Variants in ADGRL1 observed in about 807,000 individuals in gnomAD.
ADGRL1 encodes the protein CIRL-1.
Under a neutral mutation model 148.9 loss-of-function variants are expected in ADGRL1, and 31 were observed. The ratio of observed to expected loss-of-function variants is 0.21; its 90% CI spans 0.16 to 0.28. ADGRL1 has a LOEUF of 0.28. Ranked by LOEUF, ADGRL1 falls within the 10% of genes least tolerant of loss-of-function variation. The pLI, the probability that ADGRL1 is intolerant of heterozygous loss-of-function variation, is 1.00. For synonymous variants in ADGRL1, 937 were observed against 900.3 expected, an observed-to-expected ratio of 1.04 and a Z score of -0.73; for missense variants, 1,521 against 2,058.8, an observed-to-expected ratio of 0.74 and a Z score of 5.05.
At position 14,159,890 on chromosome 19, in the gene ADGRL1, C is replaced by A; in HGVS notation, c.1801-117G>T. On this transcript the variant is annotated intron_variant, in intron 8 of 22. Coordinates refer to ENST00000361434, the MANE Select transcript of ADGRL1 (RefSeq NM_014921.5). This position sits in a 1 kb window ranked among gnomAD's most constrained non-coding sequence, Gnocchi z 6.0. Reference sequence around the variant, plus strand: ...CGGTTACCACTGACCCAGGGCTGGGCTATCAGCAAGACATTCCTCAGGGAT... The same window carrying A: ...CGGTTACCACTGACCCAGGGCTGGGATATCAGCAAGACATTCCTCAGGGAT... 1.9e-6 allele frequency: 2 copies of A among 1,075,130 alleles called. No individual in the cohort carries two copies. The highest frequency in any genetic ancestry group is 2.9e-6 in the Non-Finnish European group (2 of 701,606). 66.6% of individuals were successfully genotyped at this position (1,075,130 alleles called of 1,614,324 possible). A position where few individuals can be genotyped will look rare whatever the true frequency, so the allele number is the denominator to read the frequency against.
chr19:14,180,444 C>T (rs539479682), intron 2 of ADGRL1, among the ~76,000 whole-genome samples: 48 of 151,944 alleles, frequency 3.2e-4, no homozygotes, highest in African/African-American at 1.1e-3. Context: ...TTAGTAGAGA[C>T]GGGGTTTTGC....
chr19:14,151,487 C>T lies in ADGRL1; in HGVS notation c.3796G>A (p.Gly1266Ser), dbSNP rs750764251. Residue 1266 changes from glycine to serine, a missense_variant, in exon 23 of 23, where the codon GGC (glycine) becomes AGC (serine). This residue lies in a region of ADGRL1 where 390 missense variants were observed against 375.0 expected (regional missense o/e 1.04). Coordinates refer to ENST00000361434, the MANE Select transcript of ADGRL1 (RefSeq NM_014921.5). ...PGDGGPEPPR[G>S]RNLADAAAFE... Reference sequence around the variant, plus strand: ...GCCGCCGCATCGGCTAGGTTCCGGCCTCGGGGCGGCTCAGGGCCCCCATCC... The same window carrying T: ...GCCGCCGCATCGGCTAGGTTCCGGCTTCGGGGCGGCTCAGGGCCCCCATCC... 3.6e-5 allele frequency: 58 copies of T among 1,611,514 alleles called. No homozygotes were observed. Among genetic ancestry groups the T allele is most frequent in the Non-Finnish European group, 5.9e-6 (7 of 1,179,162 alleles).
At chr19:14,153,017 C>G in intron 18 of ADGRL1, 105 bp from the exon 19 acceptor site, 1 of 1,378,760 alleles carries the variant, frequency 7.3e-7, no homozygotes, top group Non-Finnish European at 9.9e-7. Flanking sequence ...GGCCGGAGAC[C>G]GAGCTTCCAA....
chr19:14,165,709 G>A (rs1038059000), intron 4 of ADGRL1, among the ~76,000 whole-genome samples: 3 of 152,058 alleles, frequency 2.0e-5, no homozygotes, highest in African/African-American at 7.2e-5. Context: ...AGAGGAGACT[G>A]GAGGGGTGTG....
intron 1 of ADGRL1, among the ~76,000 whole-genome samples, chr19:14,194,076 TACAA>T (rs1360505190): frequency 6.6e-6 from 1 of 152,172 alleles, no homozygotes. Flanking sequence ...ACCCCAGCTC[TACAA>T]ACAAATATAA....
intron 4 of ADGRL1, 94 bp from the exon 5 acceptor site, chr19:14,163,500 G>C (rs917888332): frequency 9.5e-6 from 9 of 947,388 alleles, no homozygotes; most frequent in East Asian, 5.3e-5. Flanking sequence ...GAGAGAGAGG[G>C]GGGAGAGAGG....
At chr19:14,191,225 T>C (rs1298394238) in intron 1 of ADGRL1, 1 of 456,730 alleles carries the variant, frequency 2.2e-6, no homozygotes, top group Admixed American at 2.3e-5. Flanking sequence ...CCCATCTGTG[T>C]CCCTCAGACT....
chr19:14,155,658 G>T lies in ADGRL1; in HGVS notation c.3126-131C>A. 1.1e-6 allele frequency: 1 copy of T among 903,932 alleles called. No homozygotes were observed. The highest frequency in any genetic ancestry group is 1.6e-6 in the Non-Finnish European group (1 of 606,212). The allele number at this position is 903,932 out of a possible 1,614,324, so 56.0% of individuals were successfully genotyped here. A position where few individuals can be genotyped will look rare whatever the true frequency, so the allele number is the denominator to read the frequency against. On this transcript the variant is annotated intron_variant, in intron 17 of 22. Transcript: ENST00000361434. The surrounding 1 kb of genome is among the most constrained non-coding windows in gnomAD (Gnocchi z 5.0). The stretch of plus-strand genomic sequence containing the variant: ...CTGTCTGCAAAGCCCTGAGCGGGCC[G>T]AGTGGGCCTTGGGGGCAGTGGCCTG...
chr19:14,205,953 T>C (rs1266114252), intron 1 of ADGRL1, 32 bp downstream of exon 1: 2 of 150,114 alleles, frequency 1.3e-5, no homozygotes, highest in African/African-American at 4.9e-5. Flanking sequence ...AGGTGCGGCT[T>C]CGCCCCTCGC....
chr19:14,159,791 T>A lies in ADGRL1; in HGVS notation c.1801-18A>T. ...TTGTGCATCTAGAAAGAGATGGAGG[T>A]GATGTCAGGCCAGGCCTCTGGGTGC... On this transcript the variant is annotated intron_variant, in intron 8 of 22. Coordinates refer to ENST00000361434, the MANE Select transcript of ADGRL1 (RefSeq NM_014921.5). The surrounding 1 kb of genome is among the most constrained non-coding windows in gnomAD (Gnocchi z 6.0). The A allele has an allele frequency of 6.2e-7, 1 of 1,612,018 alleles. No individual in the cohort carries two copies. Among genetic ancestry groups the A allele is most frequent in the Non-Finnish European group, 8.5e-7 (1 of 1,178,274 alleles).
At position 14,177,754 on chromosome 19, in the gene ADGRL1, G is replaced by C; in HGVS notation, c.71-10C>G. Reference sequence around the variant, plus strand: ...CCGGCCCGGCTCAGGCCTGCAGGGAGGGTTGGGGATGGTGTCACTCCTGGG... The same window carrying C: ...CCGGCCCGGCTCAGGCCTGCAGGGACGGTTGGGGATGGTGTCACTCCTGGG... On this transcript the variant is annotated splice_polypyrimidine_tract_variant and intron_variant, in intron 2 of 22. Transcript: ENST00000361434. The C allele has an allele frequency of 6.2e-7, 1 of 1,606,672 alleles. No homozygotes were observed. The highest frequency in any genetic ancestry group is 1.1e-5 in the South Asian group (1 of 90,974).
chr19:14,175,398 C>T (rs945471951), intron 3 of ADGRL1, among the ~76,000 whole-genome samples: 11 of 151,060 alleles, frequency 7.3e-5, no homozygotes, highest in Non-Finnish European at 1.3e-4. Context: ...CCCCCACACA[C>T]GTGCACCCAT....
chr19:14,159,253 G>T lies in ADGRL1; in HGVS notation c.2024-38C>A. The T allele has an allele frequency of 6.2e-7, 1 of 1,608,638 alleles. No individual in the cohort carries two copies. ...GGGAAGGCAAGGCATACACAGTTGGGGTCTGTTCCCAGTCCAGGGGCTCAG... is the reference window on the plus strand; with the variant it reads ...GGGAAGGCAAGGCATACACAGTTGGTGTCTGTTCCCAGTCCAGGGGCTCAG... On this transcript the variant is annotated intron_variant, in intron 10 of 22. Coordinates refer to ENST00000361434, the MANE Select transcript of ADGRL1 (RefSeq NM_014921.5). This position sits in a 1 kb window ranked among gnomAD's most constrained non-coding sequence, Gnocchi z 6.0.
chr19:14,177,124 G>A (rs1171997188), intron 3 of ADGRL1, among the ~76,000 whole-genome samples: 1 of 152,060 alleles, frequency 6.6e-6, no homozygotes, highest in Non-Finnish European at 1.5e-5. Flanking sequence ...CCAGCTACTT[G>A]GGAGGCTGAG....
rs146885275 is a variant in ADGRL1, at chr19:14,154,976, A to C, written c.3294+383T>G. Among the ~76,000 whole-genome samples, 1,024 of 152,134 alleles carry C rather than the reference A, an allele frequency of 6.7e-3. 17 individuals carry two copies. Among genetic ancestry groups the C allele is most frequent in the African/African-American group, 0.024 (985 of 41,500 alleles). On this transcript the variant is annotated intron_variant, in intron 18 of 22. Transcript: ENST00000361434. ...TTATTTTAAAAAGATCCTTTCTATCACCACAAAATTCACAATTCTTTCCAG... is the reference window on the plus strand; with the variant it reads ...TTATTTTAAAAAGATCCTTTCTATCCCCACAAAATTCACAATTCTTTCCAG...
intron 3 of ADGRL1, among the ~76,000 whole-genome samples, chr19:14,175,421 TCA>T (rs754211443): frequency 7.0e-5 from 8 of 114,286 alleles, no homozygotes; most frequent in East Asian, 3.0e-4. Context: ...ACCTCACCAC[TCA>T]CAGATATGAA....
Position 14,151,163 on chromosome 19 carries a change from G to A in ADGRL1, c.4120C>T (p.Pro1374Ser), listed in dbSNP as rs1968140173. 1 of 1,608,168 alleles carries A rather than the reference G, an allele frequency of 6.2e-7. No individual in the cohort carries two copies. Among genetic ancestry groups the A allele is most frequent in the South Asian group, 1.1e-5 (1 of 90,536 alleles). ...GATSRPLSSPPGRDSLYASGA... is the reference protein window; with the variant it reads ...GATSRPLSSPSGRDSLYASGA... ...CTGGCATAGAGGGAGTCCCGGCCAG[G>A]AGGGGAGGAGAGGGGCCGGCTGGTG... Residue 1374 changes from proline (P) to serine (S), a missense_variant, in exon 23 of 23, where the codon CCT becomes TCT. Pro to Ser is a moderately conservative substitution (Grantham distance 74). Coordinates refer to ENST00000361434, the MANE Select transcript of ADGRL1 (RefSeq NM_014921.5).
chr19:14,196,254 CCCT>C (rs752361497), intron 1 of ADGRL1, among the ~76,000 whole-genome samples: 2 of 152,228 alleles, frequency 1.3e-5, no homozygotes, highest in South Asian at 2.1e-4. Context: ...TCAGCCGCTT[CCCT>C]CCTCTGCTCA....
At chr19:14,194,796 C>A (rs1972154905) in intron 1 of ADGRL1, among the ~76,000 whole-genome samples, 1 of 152,096 alleles carries the variant, frequency 6.6e-6, no homozygotes, top group South Asian at 2.1e-4. Context: ...CAGGTGAGCC[C>A]ACACCTGTGT....
Sources: allele counts gnomAD v4.1 joint callset (sites outside exome capture counted in the v4.1 genomes callset), GRCh38; gene constraint gnomAD v4.1.1; regional missense constraint gnomAD v4.1.1; non-coding constraint Gnocchi (gnomAD v3.1); transcripts MANE v1.5; gene names NCBI Gene and HGNC (gene_info 2026-07-23, HGNC 2026-07-21).